The following SCML2 variants were observed in gnomAD, a reference collection of about 807,000 sequenced individuals.
SCML2 encodes the protein sex comb on midleg-like protein 2.
Under a neutral mutation model 48.4 loss-of-function variants are expected in SCML2, and 6 were observed. That is an observed-to-expected ratio of 0.12 (90% CI 0.07 to 0.24). SCML2 has a LOEUF of 0.24. SCML2 is among the 10% of genes least tolerant of loss of function. SCML2 has a pLI of 1.00. For synonymous variants in SCML2, 181 were observed against 189.5 expected (o/e 0.95, Z 0.37); for missense variants, 377 against 528.2 (o/e 0.71, Z 2.81).
intron 11 of SCML2, among the ~76,000 whole-genome samples, chrX:18,255,782 G>A (rs949289097): frequency 8.9e-6 from 1 of 112,868 alleles, no homozygotes; most frequent in African/African-American, 3.2e-5. Context: ...TGAGTGGCAC[G>A]TGAATTAGAA....
At chrX:18,338,562 A>G (rs1433769158) in intron 1 of SCML2, among the ~76,000 whole-genome samples, 2 of 110,161 alleles carry the variant, frequency 1.8e-5, no homozygotes, top group Non-Finnish European at 3.8e-5. Context: ...TGATTACCAG[A>G]GGCTGGGGAG....
chrX:18,311,676 A>G (rs2068431954), intron 6 of SCML2, among the ~76,000 whole-genome samples: 2 of 112,441 alleles, frequency 1.8e-5, no homozygotes, highest in Middle Eastern at 4.6e-3. Context: ...CATATCATAT[A>G]TAGTTTTATA....
intron 7 of SCML2, among the ~76,000 whole-genome samples, chrX:18,285,012 C>G (rs1307874126): frequency 9.4e-6 from 1 of 105,840 alleles, no homozygotes; most frequent in Non-Finnish European, 1.9e-5. Flanking sequence ...TGCACTCCAG[C>G]CTGGGCAACA....
intron 1 of SCML2, among the ~76,000 whole-genome samples, chrX:18,353,074 C>G (rs1316137532): frequency 3.7e-5 from 4 of 107,297 alleles, no homozygotes; most frequent in South Asian, 8.1e-4. Flanking sequence ...TCAATCTTTT[C>G]TCAAAAATCC....
chrX:18,258,851 T>G (rs778698744), intron 9 of SCML2, among the ~76,000 whole-genome samples: 1 of 111,742 alleles, frequency 8.9e-6, no homozygotes, highest in South Asian at 3.7e-4. Context: ...AATAAACTCT[T>G]TCCTTAGTAT....
chrX:18,350,302 G>A (rs1366237810), intron 1 of SCML2, among the ~76,000 whole-genome samples: 7 of 109,134 alleles, frequency 6.4e-5, no homozygotes, highest in African/African-American at 1.0e-4. Context: ...GCCAGATTCG[G>A]TGGCTCATGC....
intron 6 of SCML2, among the ~76,000 whole-genome samples, chrX:18,310,772 C>T (rs1326078619): frequency 9.1e-6 from 1 of 110,273 alleles, no homozygotes; most frequent in East Asian, 2.9e-4. Flanking sequence ...TTCTTGATTA[C>T]CTACAATATG....
intron 7 of SCML2, among the ~76,000 whole-genome samples, chrX:18,293,473 G>C (rs1013940336): frequency 8.9e-6 from 1 of 111,945 alleles, no homozygotes; most frequent in African/African-American, 3.2e-5. Flanking sequence ...TGTGGCAGCA[G>C]TGGGCATACA....
chrX:18,345,962 A>G (rs1930187522), intron 1 of SCML2, among the ~76,000 whole-genome samples: 1 of 104,597 alleles, frequency 9.6e-6, no homozygotes, highest in Non-Finnish European at 2.0e-5. Flanking sequence ...ACGATGGCTC[A>G]CTAAGTTGCC....
At chrX:18,340,518 T>C (rs762505559) in intron 1 of SCML2, among the ~76,000 whole-genome samples, 1 of 112,285 alleles carries the variant, frequency 8.9e-6, no homozygotes, top group South Asian at 3.7e-4. Context: ...ATCTAACATG[T>C]GATAAACAAG....
chrX:18,318,032 G>A (rs1005537628), intron 6 of SCML2, among the ~76,000 whole-genome samples: 9 of 111,812 alleles, frequency 8.0e-5, no homozygotes, highest in African/African-American at 2.6e-4. Flanking sequence ...AATATAATGT[G>A]TATGACAAGT....
At chrX:18,329,808 T>C (rs760533663) in intron 3 of SCML2, among the ~76,000 whole-genome samples, 1 of 112,741 alleles carries the variant, frequency 8.9e-6, no homozygotes, top group African/African-American at 3.2e-5. Context: ...CCGGGCACAG[T>C]GGCTCACGCC....
intron 6 of SCML2, among the ~76,000 whole-genome samples, chrX:18,316,898 A>G (rs781406319): frequency 8.9e-6 from 1 of 112,503 alleles, no homozygotes; most frequent in South Asian, 3.7e-4. Context: ...GAATCTAATG[A>G]TAAACGCAAT....
intron 7 of SCML2, among the ~76,000 whole-genome samples, chrX:18,293,130 ATTG>A (rs911270492): frequency 5.8e-4 from 65 of 112,026 alleles, no homozygotes; most frequent in African/African-American, 2.0e-3. Flanking sequence ...TTAGAAGAAA[ATTG>A]TTATGTTAAA....
At chrX:18,301,630 T>G (rs779047291) in intron 7 of SCML2, among the ~76,000 whole-genome samples, 1 of 110,163 alleles carries the variant, frequency 9.1e-6, no homozygotes, top group Admixed American at 9.7e-5. Context: ...AAAATTAGCC[T>G]GGGATGGTAA....
At chrX:18,246,863 T>C (rs1569135921) in intron 12 of SCML2, 35 bp from the exon 13 acceptor site, 12 of 1,150,455 alleles carry the variant, frequency 1.0e-5, no homozygotes, top group Non-Finnish European at 1.4e-5. Flanking sequence ...CTATCTTCAA[T>C]AGACTTACAA....
chrX:18,258,960 T>C (rs1319376078), intron 9 of SCML2, among the ~76,000 whole-genome samples: 5 of 111,109 alleles, frequency 4.5e-5, no homozygotes, highest in Non-Finnish European at 9.4e-5. Flanking sequence ...CAAATCAATA[T>C]ACACTATAAA....
At chrX:18,275,966 A>G (rs1927616887) in intron 7 of SCML2, among the ~76,000 whole-genome samples, 1 of 112,475 alleles carries the variant, frequency 8.9e-6, no homozygotes, top group South Asian at 3.7e-4. Context: ...ACCCTTGTAC[A>G]CTGCTAGTGA....
intron 6 of SCML2, among the ~76,000 whole-genome samples, chrX:18,309,132 C>T (rs1928861253): frequency 2.0e-5 from 2 of 101,448 alleles, no homozygotes; most frequent in African/African-American, 7.5e-5. Context: ...ACCCGGGAGA[C>T]AGAGGATGCA....
Sources: allele counts gnomAD v4.1 joint callset (sites outside exome capture counted in the v4.1 genomes callset), GRCh38; gene constraint gnomAD v4.1.1; transcripts MANE v1.5; gene names NCBI Gene and HGNC (gene_info 2026-07-23, HGNC 2026-07-21).